Variants in APLF observed in about 807,000 individuals in gnomAD.
APLF encodes the protein aprataxin and PNK-like factor.
APLF carries 61 observed loss-of-function variants against 55.6 expected under a neutral mutation model. The observed-to-expected ratio is 1.10, with a 90% CI of 0.89 to 1.36. The LOEUF is 1.36. Among genes scored for constraint, APLF ranks in the 40% most tolerant of loss-of-function variants. The pLI, the probability that APLF is intolerant of heterozygous loss-of-function variation, is 0.00. For missense variants in APLF, 611 were observed against 602.5 expected (o/e 1.01, Z -0.15); for synonymous variants, 207 against 214.8 (o/e 0.96, Z 0.32).
intron 3 of APLF, among the ~76,000 whole-genome samples, chr2:68,505,797 C>G (rs1362242346): frequency 6.6e-6 from 1 of 151,972 alleles, no homozygotes; most frequent in Non-Finnish European, 1.5e-5. Context: ...GTCCTCTGAA[C>G]TTTGTCTTTT....
In APLF at chr2:68,579,450, C is replaced by T; in HGVS notation, c.*1428C>T. ...ACATAATCTACTCCTAGGTATATAC[C>T]CAGAGGAATTGAAAACATTTCCACA... On this transcript the variant is annotated 3_prime_UTR_variant, in exon 10 of 10. Transcript: ENST00000303795. 1.1e-6 allele frequency: 1 copy of T among 917,088 alleles called. No individual in the cohort carries two copies. The highest frequency in any genetic ancestry group is 1.8e-5 in the African/African-American group (1 of 55,826). 56.8% of individuals were successfully genotyped at this position (917,088 alleles called of 1,614,324 possible).
chr2:68,555,063 G>A (rs1237612515), intron 8 of APLF, among the ~76,000 whole-genome samples: 2 of 152,042 alleles, frequency 1.3e-5, no homozygotes, highest in East Asian at 1.9e-4. Flanking sequence ...GTGGGGAAAG[G>A]ATACCCTATT....
At chr2:68,513,720 CATT>C (rs772875130) in intron 5 of APLF, 40 bp downstream of exon 5, 2 of 1,595,446 alleles carry the variant, frequency 1.3e-6, no homozygotes, top group Admixed American at 3.5e-5. Flanking sequence ...TTAAAGGAAA[CATT>C]AAACAGAATT....
At chr2:68,475,952 G>A (rs1391526502) in intron 1 of APLF, among the ~76,000 whole-genome samples, 1 of 151,030 alleles carries the variant, frequency 6.6e-6, no homozygotes, top group African/African-American at 2.4e-5. Flanking sequence ...ATGAAATTAT[G>A]TCTAAAATAG....
At chr2:68,574,026 A>G (rs1462242849) in intron 9 of APLF, among the ~76,000 whole-genome samples, 1 of 152,036 alleles carries the variant, frequency 6.6e-6, no homozygotes, top group Non-Finnish European at 1.5e-5. Flanking sequence ...GCAAAAATAG[A>G]GAAAAGACTT....
In APLF at chr2:68,508,656, A is replaced by C. The variant is rs369013375; in HGVS notation, c.342-4424A>C. Among the ~76,000 whole-genome samples the C allele has an allele frequency of 2.1e-4, 32 of 151,900 alleles. 1 individual carries two copies. The East Asian group carries it at 5.6e-3, about 27-fold the overall frequency. On this transcript the variant is annotated intron_variant, in intron 3 of 9. Coordinates refer to ENST00000303795, the MANE Select transcript of APLF (RefSeq NM_173545.3). ...TTCTAAGGACACAGTTAAGAAAGTG[A>C]AAAGATTTAGTGCCATCCCCATCAA...
intron 7 of APLF, 96 bp downstream of exon 7, chr2:68,538,323 C>T (rs1670452942): frequency 6.3e-6 from 7 of 1,116,006 alleles, no homozygotes; most frequent in Non-Finnish European, 8.7e-6. Flanking sequence ...TAATAAAACC[C>T]ACTGGCCTAA....
In APLF at chr2:68,529,012, C is replaced by T; in HGVS notation, c.804+2770C>T. The T allele has an allele frequency of 6.6e-7, 1 of 1,504,266 alleles. No individual in the cohort carries two copies. The highest frequency in any genetic ancestry group is 8.9e-7 in the Non-Finnish European group (1 of 1,117,798). The allele number at this position is 1,504,266 out of a possible 1,614,324, so 93.2% of individuals were successfully genotyped here. ...TTGCTTCTTTGGGCTCTTCTGCCCT[C>T]ACCTCCATTTTCGGGAGCCTGGCTG... On this transcript the variant is annotated intron_variant, in intron 6 of 9. Coordinates refer to ENST00000303795, the MANE Select transcript of APLF (RefSeq NM_173545.3). The surrounding 1 kb of genome is among the most constrained non-coding windows in gnomAD (Gnocchi z 4.4).
intron 2 of APLF, among the ~76,000 whole-genome samples, chr2:68,501,583 A>G (rs1316714489): frequency 6.6e-6 from 1 of 152,148 alleles, no homozygotes; most frequent in Non-Finnish European, 1.5e-5. Context: ...TTTTTAAGGC[A>G]CCTCATAATA....
chr2:68,548,319 A>C (rs1028105071), intron 8 of APLF, among the ~76,000 whole-genome samples: 1 of 151,976 alleles, frequency 6.6e-6, no homozygotes, highest in African/African-American at 2.4e-5. Context: ...CAAAGCACAC[A>C]GTAAGAAAAA....
intron 5 of APLF, among the ~76,000 whole-genome samples, chr2:68,515,450 C>T (rs879384947): frequency 6.6e-6 from 1 of 151,722 alleles, no homozygotes. Context: ...AAAAATTGGA[C>T]CAATGTGAGC....
At chr2:68,538,322 C>T (rs1290971920) in intron 7 of APLF, 95 bp downstream of exon 7, 2 of 1,117,572 alleles carry the variant, frequency 1.8e-6, no homozygotes, top group Non-Finnish European at 2.5e-6. Flanking sequence ...TTAATAAAAC[C>T]CACTGGCCTA....
intron 1 of APLF, among the ~76,000 whole-genome samples, chr2:68,474,070 A>C (rs1228115969): frequency 6.6e-6 from 1 of 152,188 alleles, no homozygotes; most frequent in Non-Finnish European, 1.5e-5. Flanking sequence ...AGCAGCTCCT[A>C]GAACTGGTTT....
chr2:68,558,914 A>G (rs1011333978), intron 8 of APLF, among the ~76,000 whole-genome samples: 2 of 152,096 alleles, frequency 1.3e-5, no homozygotes, highest in African/African-American at 4.8e-5. Flanking sequence ...TGGTTTTCAA[A>G]CAGTTCTTCA....
At chr2:68,566,992 T>C (rs1671328649) in intron 8 of APLF, among the ~76,000 whole-genome samples, 1 of 152,118 alleles carries the variant, frequency 6.6e-6, no homozygotes, top group Non-Finnish European at 1.5e-5. Context: ...TTGATATTTG[T>C]GTCATAGTTT....
intron 3 of APLF, 79 bp from the exon 4 acceptor site, chr2:68,513,001 C>T: frequency 7.5e-7 from 1 of 1,336,148 alleles, no homozygotes; most frequent in Non-Finnish European, 1.0e-6. Context: ...AGTAAAGGGA[C>T]ATAACTTAGA....
intron 8 of APLF, among the ~76,000 whole-genome samples, chr2:68,561,123 T>G (rs917459192): frequency 6.6e-6 from 1 of 152,140 alleles, no homozygotes; most frequent in African/African-American, 2.4e-5. Context: ...TAGCCATTGT[T>G]GAATATCCTA....
chr2:68,495,885 G>A (rs35985687), intron 2 of APLF, among the ~76,000 whole-genome samples: 9,561 of 152,232 alleles, frequency 0.063, 359 homozygotes, highest in Middle Eastern at 0.11. Context: ...CTGTATGTGG[G>A]GTCCTTTGAG....
chr2:68,552,870 T>A (rs1049801117), intron 8 of APLF, among the ~76,000 whole-genome samples: 5 of 152,172 alleles, frequency 3.3e-5, no homozygotes, highest in African/African-American at 1.2e-4. Flanking sequence ...TTTCTTCACC[T>A]ACTGAACTGC....
Sources: allele counts gnomAD v4.1 joint callset (sites outside exome capture counted in the v4.1 genomes callset), GRCh38; gene constraint gnomAD v4.1.1; non-coding constraint Gnocchi (gnomAD v3.1); transcripts MANE v1.5; gene names NCBI Gene and HGNC (gene_info 2026-07-23, HGNC 2026-07-21).